BMPR1B: variants seen among roughly 807,000 people sequenced by gnomAD.
BMPR1B encodes bone morphogenetic protein receptor type 1B.
A neutral mutation model predicts 59.1 loss-of-function variants in BMPR1B; 12 were observed. The ratio of observed to expected loss-of-function variants is 0.20; its 90% CI spans 0.13 to 0.33. The LOEUF (loss-of-function observed/expected upper bound fraction) is 0.33, where lower values mean the gene tolerates loss of function less well. Among genes scored for constraint, BMPR1B ranks in the 10% least tolerant of loss-of-function variants. The pLI, the probability that BMPR1B is intolerant of heterozygous loss-of-function variation, is 1.00. For missense variants in BMPR1B, 550 were observed against 610.9 expected (o/e 0.90, Z 1.05); for synonymous variants, 237 against 207.3 (o/e 1.14, Z -1.23).
At chr4:95,053,281 T>G (rs896268345) in intron 3 of BMPR1B, among the ~76,000 whole-genome samples, 1 of 134,252 alleles carries the variant, frequency 7.4e-6, no homozygotes, top group Admixed American at 7.7e-5. Context: ...TGCAGGGCAC[T>G]TGTGTGTGTG....
At chr4:95,116,733 G>T (rs1304123320) in intron 6 of BMPR1B, among the ~76,000 whole-genome samples, 3 of 151,456 alleles carry the variant, frequency 2.0e-5, no homozygotes, top group Admixed American at 6.6e-5. Context: ...TCCCACCTCA[G>T]CCTCCCCAGT....
chr4:95,152,520 T>G lies in BMPR1B; in HGVS notation c.1253-123T>G, dbSNP rs549723447. 7.7e-5 allele frequency: 63 copies of G among 816,254 alleles called. No homozygotes were observed. In the East Asian group the frequency reaches 1.0e-3, roughly 13 times the overall value. The allele number at this position is 816,254 out of a possible 1,614,324, so 50.6% of individuals were successfully genotyped here. ...ATATTTTTCAAGATTTATTTTGCTA[T>G]TTTTCTGCCTGAACTTGTCTGTAAT... is the stretch of plus-strand genomic sequence containing the variant. On this transcript the variant is annotated intron_variant, in intron 11 of 12. Coordinates refer to ENST00000515059, the MANE Select transcript of BMPR1B (RefSeq NM_001203.3).
rs376646497 is a variant in BMPR1B, at chr4:94,898,779, A to G, written c.-113+22879A>G. Among the ~76,000 whole-genome samples the G allele has an allele frequency of 1.9e-4, 29 of 152,166 alleles. No homozygotes were observed. In the South Asian group the frequency reaches 4.4e-3, roughly 23 times the overall value. ...TTCTCAGACTCTCCAGCACACTAAA[A>G]TAGGATCATTCATTTCTCTCAAGTG... On this transcript the variant is annotated intron_variant, in intron 2 of 12. Coordinates refer to ENST00000515059, the MANE Select transcript of BMPR1B (RefSeq NM_001203.3).
intron 1 of BMPR1B, among the ~76,000 whole-genome samples, chr4:94,858,350 G>T (rs1725851357): frequency 6.6e-6 from 1 of 152,220 alleles, no homozygotes; most frequent in Admixed American, 6.5e-5. Context: ...GAAATGCAAT[G>T]CTTTTGTTAT....
At position 95,123,880 on chromosome 4, in the gene BMPR1B, C is replaced by A; in HGVS notation, c.420C>A (p.Val140=). 7 of 1,611,400 alleles carry A rather than the reference C, an allele frequency of 4.3e-6. No homozygotes were observed. Among genetic ancestry groups the A allele is most frequent in the Non-Finnish European group, 5.9e-6 (7 of 1,178,766 alleles). The change falls in exon 7 of 13, where the codon GTC becomes GTA. Residue 140 remains valine, a synonymous_variant. Transcript: ENST00000515059. The part of the protein sequence containing the change: ...ISVTVCSLLL[V]LIILFCYFRY... ...TGACTGTCTGTAGTTTGCTCTTGGTCCTTATCATATTATTTTGTTACTTCC... is the reference window on the plus strand; with the variant it reads ...TGACTGTCTGTAGTTTGCTCTTGGTACTTATCATATTATTTTGTTACTTCC...
chr4:94,759,624 C>A (rs1015638811), intron 1 of BMPR1B, among the ~76,000 whole-genome samples: 1 of 152,160 alleles, frequency 6.6e-6, no homozygotes, highest in Non-Finnish European at 1.5e-5. Context: ...GTACTTTATA[C>A]CCCTTTACAC....
chr4:95,014,244 C>T (rs532402693), intron 3 of BMPR1B, among the ~76,000 whole-genome samples: 12 of 152,062 alleles, frequency 7.9e-5, no homozygotes, highest in Middle Eastern at 3.4e-3. Context: ...TAAATTCTGC[C>T]GTTAATATAA....
rs186350667 is a variant in BMPR1B, at chr4:94,903,297, T to A, written c.-113+27397T>A. Among the ~76,000 whole-genome samples, 135 of 152,060 alleles carry A rather than the reference T, an allele frequency of 8.9e-4. 1 individual carries two copies. The highest frequency in any genetic ancestry group is 1.5e-3 in the Non-Finnish European group (105 of 67,948). The stretch of plus-strand genomic sequence containing the variant: ...TTTTATCCCCGAGTCCCAGTTAGTT[T>A]AGTTAAGTTTAGTATTCGATCAGAC... On this transcript the variant is annotated intron_variant, in intron 2 of 12. Transcript: ENST00000515059.
intron 3 of BMPR1B, among the ~76,000 whole-genome samples, chr4:95,073,909 A>T (rs1728509643): frequency 6.6e-6 from 1 of 152,218 alleles, no homozygotes; most frequent in Non-Finnish European, 1.5e-5. Flanking sequence ...CACTTTTAAG[A>T]CCAAAGCAGA....
chr4:95,028,963 GTAAT>G (rs1483860622), intron 3 of BMPR1B, among the ~76,000 whole-genome samples: 1 of 151,854 alleles, frequency 6.6e-6, no homozygotes, highest in Non-Finnish European at 1.5e-5. Flanking sequence ...TTATCAACAA[GTAAT>G]TATTTGTTAG....
At chr4:95,102,791 T>C (rs973147491) in intron 3 of BMPR1B, among the ~76,000 whole-genome samples, 1 of 152,100 alleles carries the variant, frequency 6.6e-6, no homozygotes, top group African/African-American at 2.4e-5. Context: ...AAATAATACA[T>C]GTATTGGGAG....
intron 4 of BMPR1B, among the ~76,000 whole-genome samples, chr4:95,113,589 G>A (rs571537992): frequency 6.6e-6 from 1 of 152,094 alleles, no homozygotes. Context: ...AAAGGATAGA[G>A]ATATAGTTTA....
chr4:94,933,263 C>T (rs958654998), intron 2 of BMPR1B, among the ~76,000 whole-genome samples: 3 of 152,132 alleles, frequency 2.0e-5, no homozygotes, highest in South Asian at 2.1e-4. Flanking sequence ...TGGCACTTAA[C>T]GACTTCTTAT....
chr4:95,035,557 T>G (rs1725180067), intron 3 of BMPR1B, among the ~76,000 whole-genome samples: 1 of 152,172 alleles, frequency 6.6e-6, no homozygotes, highest in East Asian at 1.9e-4. Context: ...CACTTTATGC[T>G]TTTATTTGCT....
intron 3 of BMPR1B, among the ~76,000 whole-genome samples, chr4:95,025,738 A>G (rs890915762): frequency 6.6e-6 from 1 of 152,204 alleles, no homozygotes; most frequent in Non-Finnish European, 1.5e-5. Context: ...CACCTTTATT[A>G]GAAAGATGAA....
At chr4:94,937,288 C>T (rs190316842) in intron 2 of BMPR1B, among the ~76,000 whole-genome samples, 122 of 152,108 alleles carry the variant, frequency 8.0e-4, no homozygotes, top group Admixed American at 2.4e-3. Context: ...TGATGTTTTC[C>T]CTGGCAGAGT....
In BMPR1B at chr4:95,156,051, A is replaced by G. The variant is rs898683443; in HGVS notation, c.*1378A>G. 11 of 152,122 alleles carry G rather than the reference A, an allele frequency of 7.2e-5. No individual in the cohort carries two copies. Among genetic ancestry groups the G allele is most frequent in the Non-Finnish European group, 1.5e-5 (1 of 68,002 alleles). 9.4% of individuals were successfully genotyped at this position (152,122 alleles called of 1,614,324 possible). ...TTATTCTAGTGATGCTCAATTCACT[A>G]TTTAATTTATTATATTTTCTCTTCT... On this transcript the variant is annotated 3_prime_UTR_variant, in exon 13 of 13. Coordinates refer to ENST00000515059, the MANE Select transcript of BMPR1B (RefSeq NM_001203.3).
intron 2 of BMPR1B, among the ~76,000 whole-genome samples, chr4:94,897,053 G>C (rs1221373417): frequency 1.3e-5 from 2 of 152,032 alleles, no homozygotes; most frequent in Non-Finnish European, 2.9e-5. Context: ...CTTTGCATAT[G>C]TAAATATCCG....
At chr4:94,851,268 CTT>C (rs35460258) in intron 1 of BMPR1B, among the ~76,000 whole-genome samples, 31,670 of 152,062 alleles carry the variant, frequency 0.21, 3,463 homozygotes, top group African/African-American at 0.24. Context: ...GAGAATGACT[CTT>C]TGTCAAACCA....
Sources: gnomAD v4.1 joint callset for allele counts (sites outside exome capture counted in the v4.1 genomes callset) on GRCh38, gnomAD v4.1.1 for gene constraint, MANE v1.5 for transcripts, NCBI Gene and HGNC (gene_info 2026-07-23, HGNC 2026-07-21) for gene names.